Variants in ZNF385D observed in about 807,000 individuals in gnomAD.
ZNF385D encodes zinc finger protein 659.
In ZNF385D, 15 loss-of-function variants were observed where a neutral mutation model predicts 35.8. The ratio of observed to expected loss-of-function variants is 0.42; its 90% confidence interval spans 0.28 to 0.64. The LOEUF is 0.64. Ranked by LOEUF, ZNF385D falls within the 30% of genes least tolerant of loss-of-function variation. The pLI, the probability that ZNF385D is intolerant of heterozygous loss-of-function variation, is 0.23. For missense variants in ZNF385D, 474 were observed against 494.6 expected, an observed-to-expected ratio of 0.96 and a Z score of 0.39; for synonymous variants, 212 against 186.8, an observed-to-expected ratio of 1.13 and a Z score of -1.10.
chr3:22,177,838 GT>G (rs1694939911), intron 2 of ZNF385D, among the ~76,000 whole-genome samples: 1 of 152,086 alleles, frequency 6.6e-6, no homozygotes. Context: ...ACGGTGGTTG[GT>G]TTTTTGTCCT....
At chr3:21,872,596 T>C (rs182296106) in intron 3 of ZNF385D, among the ~76,000 whole-genome samples, 6 of 152,230 alleles carry the variant, frequency 3.9e-5, no homozygotes, top group Admixed American at 3.3e-4. Context: ...TACACTTCAA[T>C]GGTTACCATT....
chr3:21,519,107 A>T (rs1027367592), intron 3 of ZNF385D, among the ~76,000 whole-genome samples: 4 of 152,116 alleles, frequency 2.6e-5, no homozygotes, highest in African/African-American at 9.7e-5. Flanking sequence ...GAACAGTAAC[A>T]GCTACGGGAA....
intron 1 of ZNF385D, among the ~76,000 whole-genome samples, chr3:21,732,865 T>C (rs1262894521): frequency 6.6e-6 from 1 of 152,202 alleles, no homozygotes; most frequent in Non-Finnish European, 1.5e-5. Flanking sequence ...CTTTGTAGTG[T>C]CTTTCACAGC....
intron 2 of ZNF385D, among the ~76,000 whole-genome samples, chr3:21,662,205 A>G (rs1471755702): frequency 1.3e-5 from 2 of 152,136 alleles, no homozygotes; most frequent in Non-Finnish European, 2.9e-5. Context: ...ACTGCCTTGC[A>G]AAGTTTGTGT....
At chr3:21,973,659 T>A (rs1040303920) in intron 3 of ZNF385D, among the ~76,000 whole-genome samples, 7 of 152,024 alleles carry the variant, frequency 4.6e-5, no homozygotes, top group African/African-American at 1.7e-4. Context: ...GATGATATGA[T>A]TTTATATTTG....
chr3:21,617,772 A>G (rs1431717238), intron 2 of ZNF385D, among the ~76,000 whole-genome samples: 1 of 152,184 alleles, frequency 6.6e-6, no homozygotes, highest in Non-Finnish European at 1.5e-5. Flanking sequence ...TGCCCTTGGT[A>G]CGATGTTTGA....
intron 3 of ZNF385D, among the ~76,000 whole-genome samples, chr3:21,564,321 A>T (rs964959734): frequency 6.6e-6 from 1 of 152,158 alleles, no homozygotes; most frequent in African/African-American, 2.4e-5. Context: ...AAAAGACTAA[A>T]AAATAAATAA....
intron 3 of ZNF385D, among the ~76,000 whole-genome samples, chr3:22,122,460 A>C (rs564634412): frequency 7.7e-4 from 118 of 152,312 alleles, no homozygotes; most frequent in Middle Eastern, 3.4e-3. Flanking sequence ...TACTATGAAA[A>C]ATGTATGTAT....
intron 1 of ZNF385D, among the ~76,000 whole-genome samples, chr3:21,707,078 C>G (rs1239347733): frequency 6.6e-6 from 1 of 152,028 alleles, no homozygotes; most frequent in African/African-American, 2.4e-5. Flanking sequence ...TTTGAGTGGG[C>G]TTTACTTGCC....
At chr3:21,621,352 T>C (rs538646977) in intron 2 of ZNF385D, among the ~76,000 whole-genome samples, 1 of 152,280 alleles carries the variant, frequency 6.6e-6, no homozygotes, top group South Asian at 2.1e-4. Flanking sequence ...TATCAGTTAC[T>C]AATTAACATT....
At chr3:22,109,982 T>C (rs932893576) in intron 3 of ZNF385D, among the ~76,000 whole-genome samples, 2 of 152,110 alleles carry the variant, frequency 1.3e-5, no homozygotes, top group Admixed American at 1.3e-4. Context: ...GCGAAGGATA[T>C]GAACAGACAC....
intron 2 of ZNF385D, among the ~76,000 whole-genome samples, chr3:22,269,696 A>G: frequency 6.6e-6 from 1 of 151,940 alleles, no homozygotes; most frequent in East Asian, 1.9e-4. Context: ...AATACAAAAT[A>G]TAATTGATCA....
intron 1 of ZNF385D, among the ~76,000 whole-genome samples, chr3:21,696,358 T>G (rs556557725): frequency 6.6e-6 from 1 of 152,230 alleles, no homozygotes; most frequent in Non-Finnish European, 1.5e-5. Flanking sequence ...TAAACTCTTA[T>G]GCCTAAGCAT....
intron 2 of ZNF385D, among the ~76,000 whole-genome samples, chr3:22,334,479 C>T (rs1358959075): frequency 6.6e-6 from 1 of 152,098 alleles, no homozygotes; most frequent in Non-Finnish European, 1.5e-5. Flanking sequence ...CACACTTTTA[C>T]CATTGCTGCT....
chr3:21,750,993 C>A lies in ZNF385D; in HGVS notation c.-77G>T, dbSNP rs7623075. The A allele has an allele frequency of 2.5e-6, 4 of 1,611,824 alleles. No individual in the cohort carries two copies. The highest frequency in any genetic ancestry group is 2.5e-6 in the Non-Finnish European group (3 of 1,179,240). On this transcript the variant is annotated 5_prime_UTR_variant, in exon 1 of 8. In the 5' UTR this introduces an upstream ATG that the reference lacks. Transcript: ENST00000281523. ...CAAGGCTGGCACGTAGAGCAGAGCC[C>A]TTTCATGCTACATTCGGTGGAAATG...
intron 4 of ZNF385D, among the ~76,000 whole-genome samples, chr3:21,480,067 G>T (rs1001627671): frequency 6.6e-6 from 1 of 151,102 alleles, no homozygotes; most frequent in Non-Finnish European, 1.5e-5. Flanking sequence ...AATAAACACG[G>T]TGGGCCCATA....
intron 3 of ZNF385D, among the ~76,000 whole-genome samples, chr3:21,880,644 A>G (rs1002325821): frequency 2.6e-5 from 4 of 152,022 alleles, no homozygotes; most frequent in African/African-American, 9.7e-5. Context: ...CTAAGTGTTC[A>G]AATGAAAAGA....
intron 4 of ZNF385D, among the ~76,000 whole-genome samples, chr3:21,457,420 A>G (rs1702893719): frequency 1.3e-5 from 2 of 151,988 alleles, no homozygotes; most frequent in Admixed American, 1.3e-4. Context: ...CAATGGCATG[A>G]TCTCAGCTCA....
chr3:22,099,519 G>A (rs1188691504), intron 3 of ZNF385D, among the ~76,000 whole-genome samples: 1 of 152,114 alleles, frequency 6.6e-6, no homozygotes, highest in African/African-American at 2.4e-5. Context: ...GATTTATCCA[G>A]AGAGAATGGG....
Sources: gnomAD v4.1 joint callset for allele counts (sites outside exome capture counted in the v4.1 genomes callset) on GRCh38, gnomAD v4.1.1 for gene constraint, MANE v1.5 for transcripts, NCBI Gene and HGNC (gene_info 2026-07-23, HGNC 2026-07-21) for gene names.